The following PRKCZ variants were observed in gnomAD, a reference collection of about 807,000 sequenced individuals.
PRKCZ encodes the protein protein kinase C zeta, also known as protein kinase C zeta type.
In PRKCZ, 33 loss-of-function variants were observed where a neutral mutation model predicts 79.5. That is an observed-to-expected ratio of 0.41 (90% CI 0.31 to 0.55). The LOEUF (loss-of-function observed/expected upper bound fraction) is 0.55. Among genes scored for constraint, PRKCZ ranks in the 20% least tolerant of loss-of-function variants. The probability of loss-of-function intolerance (pLI) is 0.19; values close to 1 mark genes in which losing one functional copy is unlikely to be tolerated. For missense variants in PRKCZ, 578 were observed against 813.5 expected, an observed-to-expected ratio of 0.71 and a Z score of 3.52; for synonymous variants, 342 against 320.9, an observed-to-expected ratio of 1.07 and a Z score of -0.70.
At chr1:2,118,739 G>GTGTGTGTGTT (rs1553153095) in intron 4 of PRKCZ, among the ~76,000 whole-genome samples, 1 of 148,618 alleles carries the variant, frequency 6.7e-6, no homozygotes, top group Non-Finnish European at 1.5e-5. Flanking sequence ...GTGTGTGTGT[G>GTGTGTGTGTT]TGTGTGTGTG....
At chr1:2,135,522 C>A (rs916528334) in intron 5 of PRKCZ, among the ~76,000 whole-genome samples, 175 bp downstream of exon 5, 1 of 152,230 alleles carries the variant, frequency 6.6e-6, no homozygotes, top group Non-Finnish European at 1.5e-5. Flanking sequence ...CTAGGGCTGT[C>A]TGAGGCGGGA....
At chr1:2,143,195 A>C (rs1211618712) in intron 5 of PRKCZ, 1 of 151,838 alleles carries the variant, frequency 6.6e-6, no homozygotes, top group Admixed American at 6.6e-5. Context: ...CACCTGGCTA[A>C]TTTTTTGTAT....
At chr1:2,092,758 G>A (rs1323613750) in intron 4 of PRKCZ, among the ~76,000 whole-genome samples, 1 of 152,212 alleles carries the variant, frequency 6.6e-6, no homozygotes, top group Non-Finnish European at 1.5e-5. Flanking sequence ...GCAGCTGGAG[G>A]CCCTGGTCTT....
At chr1:2,110,350 CTT>C (rs1051257072) in intron 4 of PRKCZ, among the ~76,000 whole-genome samples, 2 of 152,242 alleles carry the variant, frequency 1.3e-5, no homozygotes, top group African/African-American at 4.8e-5. Context: ...CAGGCAGGAC[CTT>C]TCTTCCCTCT....
At position 2,130,315 on chromosome 1, in the gene PRKCZ, C is replaced by A. The variant is rs114237777; in HGVS notation, c.335-4947C>A. Among the ~76,000 whole-genome samples the A allele has an allele frequency of 4.2e-3, 646 of 152,344 alleles. 3 individuals are homozygous for A. The highest frequency in any genetic ancestry group is 0.015 in the African/African-American group (612 of 41,582). ...TGGCATGGACCCCATGGGGCTTCCC[C>A]CATTTCACTGAGGCAAGACCCAGAT... On this transcript the variant is annotated intron_variant, in intron 4 of 17. Coordinates refer to ENST00000378567, the MANE Select transcript of PRKCZ (RefSeq NM_002744.6).
rs1350976648 is a variant in PRKCZ, at chr1:2,050,713, A to C, written c.71+12A>C. On this transcript the variant is annotated intron_variant, in intron 1 of 17. Coordinates refer to ENST00000378567, the MANE Select transcript of PRKCZ (RefSeq NM_002744.6). Reference sequence around the variant, plus strand: ...GCGCATTACGGGGGGTGAGCGGCGGAGAGGGCGGGGAGCGGCGCGGGTGAG... The same window carrying C: ...GCGCATTACGGGGGGTGAGCGGCGGCGAGGGCGGGGAGCGGCGCGGGTGAG... 12 of 1,139,636 alleles carry C rather than the reference A, an allele frequency of 1.1e-5. No individual in the cohort carries two copies. Among genetic ancestry groups the C allele is most frequent in the Non-Finnish European group, 1.3e-5 (12 of 915,198 alleles). 70.6% of individuals were successfully genotyped at this position (1,139,636 alleles called of 1,614,324 possible). A position where few individuals can be genotyped will look rare whatever the true frequency, so the allele number is the denominator to read the frequency against.
At chr1:2,053,488 C>T (rs539817208) in intron 1 of PRKCZ, among the ~76,000 whole-genome samples, 193 of 152,300 alleles carry the variant, frequency 1.3e-3, no homozygotes, top group African/African-American at 4.5e-3. Context: ...GAGTCTCTCC[C>T]GGGCGGCCCA....
In PRKCZ at chr1:2,177,210, A is replaced by T. The variant is rs1432270398; in HGVS notation, c.1575+1897A>T. ...GGTGGCATCCCCTTGTCTCTGGCCC[A>T]CAGAACCCCTCCGGTCCACACACAC... On this transcript the variant is annotated intron_variant, in intron 16 of 17. Transcript: ENST00000378567. The surrounding 1 kb of genome is among the most constrained non-coding windows in gnomAD (Gnocchi z 6.4). 6.6e-6 allele frequency among the ~76,000 whole-genome samples: 1 copy of T among 151,974 alleles called. No individual in the cohort carries two copies. Among genetic ancestry groups the T allele is most frequent in the Admixed American group, 6.6e-5 (1 of 15,264 alleles).
intron 4 of PRKCZ, among the ~76,000 whole-genome samples, chr1:2,113,466 A>C (rs1216184432): frequency 1.3e-5 from 2 of 152,164 alleles, no homozygotes; most frequent in East Asian, 3.8e-4. Flanking sequence ...GGTGGAAGCC[A>C]GCAGGTGAGG....
At chr1:2,085,667 G>C (rs1432924078) in intron 4 of PRKCZ, among the ~76,000 whole-genome samples, 5 of 142,214 alleles carry the variant, frequency 3.5e-5, no homozygotes, top group African/African-American at 1.0e-4. Flanking sequence ...TGTTCTCAGA[G>C]CCCGTGAGGC....
intron 4 of PRKCZ, among the ~76,000 whole-genome samples, chr1:2,093,269 G>C (rs1665836700): frequency 6.6e-6 from 1 of 152,110 alleles, no homozygotes; most frequent in Admixed American, 6.5e-5. Context: ...TGGGCCCGCT[G>C]GCCTCGCTGC....
chr1:2,070,987 A>C (rs926753985), intron 4 of PRKCZ, among the ~76,000 whole-genome samples: 1 of 151,292 alleles, frequency 6.6e-6, no homozygotes, highest in African/African-American at 2.4e-5. Context: ...CACCATCCCC[A>C]CAGGGACGTG....
Position 2,174,160 on chromosome 1 carries a change from C to T in PRKCZ, c.1405+144C>T, listed in dbSNP as rs551239956. Reference sequence around the variant, plus strand: ...CCGGGAACCATTCCTCCTGGCCAGACCCTGTGTCACATGCCACTCCCCGGG... The same window carrying T: ...CCGGGAACCATTCCTCCTGGCCAGATCCTGTGTCACATGCCACTCCCCGGG... On this transcript the variant is annotated intron_variant, in intron 14 of 17. Transcript: ENST00000378567. This position sits in a 1 kb window ranked among gnomAD's most constrained non-coding sequence, Gnocchi z 6.2. 1 of 1,165,862 alleles carries T rather than the reference C, an allele frequency of 8.6e-7. No individual in the cohort carries two copies. Among genetic ancestry groups the T allele is most frequent in the Admixed American group, 3.5e-5 (1 of 28,792 alleles). 72.2% of individuals were successfully genotyped at this position (1,165,862 alleles called of 1,614,324 possible).
intron 10 of PRKCZ, among the ~76,000 whole-genome samples, chr1:2,167,234 G>T (rs924902386): frequency 2.0e-5 from 3 of 152,236 alleles, no homozygotes; most frequent in African/African-American, 7.2e-5. Flanking sequence ...TCCCGTGATT[G>T]GCTTTTCTCT....
At chr1:2,059,928 AGTC>A (rs1344826984) in intron 4 of PRKCZ, among the ~76,000 whole-genome samples, 1 of 152,184 alleles carries the variant, frequency 6.6e-6, no homozygotes, top group Non-Finnish European at 1.5e-5. Context: ...CCCCTAGGCC[AGTC>A]GTCTGCTCCT....
intron 16 of PRKCZ, among the ~76,000 whole-genome samples, chr1:2,179,922 G>C (rs925316273): frequency 1.3e-5 from 2 of 152,226 alleles, no homozygotes; most frequent in Non-Finnish European, 2.9e-5. Flanking sequence ...AAGACGCAGA[G>C]GAGGGCAGGT....
At chr1:2,090,021 G>A (rs1156402121) in intron 4 of PRKCZ, among the ~76,000 whole-genome samples, 1 of 152,210 alleles carries the variant, frequency 6.6e-6, no homozygotes, top group African/African-American at 2.4e-5. Flanking sequence ...CTTGGCTGGT[G>A]GAGCCGTCTC....
chr1:2,070,973 G>A (rs1198057466), intron 4 of PRKCZ, among the ~76,000 whole-genome samples: 1 of 151,358 alleles, frequency 6.6e-6, no homozygotes, highest in Non-Finnish European at 1.5e-5. Context: ...GTCCTTGGCC[G>A]GGACACCATC....
chr1:2,149,391 A>G lies in PRKCZ; in HGVS notation c.687+467A>G, dbSNP rs1679376930. Among the ~76,000 whole-genome samples the G allele has an allele frequency of 6.6e-6, 1 of 152,196 alleles. No individual in the cohort carries two copies. On this transcript the variant is annotated intron_variant, in intron 8 of 17. Coordinates refer to ENST00000378567, the MANE Select transcript of PRKCZ (RefSeq NM_002744.6). This position sits in a 1 kb window ranked among gnomAD's most constrained non-coding sequence, Gnocchi z 4.1. ...CGTCTGTGGCCAGCTCTGCACCATA[A>G]ACCCTGAGAAGGGAACAGAAGAGCT...
Sources: allele counts gnomAD v4.1 joint callset (sites outside exome capture counted in the v4.1 genomes callset), GRCh38; gene constraint gnomAD v4.1.1; non-coding constraint Gnocchi (gnomAD v3.1); transcripts MANE v1.5; gene names NCBI Gene and HGNC (gene_info 2026-07-23, HGNC 2026-07-21).